MYRFL: variants seen among roughly 807,000 people sequenced by gnomAD.
MYRFL encodes the protein myelin regulatory factor-like protein.
In MYRFL, 88 loss-of-function variants were observed where a neutral mutation model predicts 109.4. That is an observed-to-expected ratio of 0.80 (90% confidence interval 0.68 to 0.96). MYRFL has a LOEUF of 0.96. MYRFL is among the 40% of genes least tolerant of loss of function. The pLI, the probability that MYRFL is intolerant of heterozygous loss-of-function variation, is 0.00. For missense variants in MYRFL, 957 were observed against 954.9 expected, an observed-to-expected ratio of 1.00 and a Z score of -0.03; for synonymous variants, 324 against 320.9, an observed-to-expected ratio of 1.01 and a Z score of -0.10.
At chr12:69,945,026 A>G (rs1006305485) in intron 19 of MYRFL, among the ~76,000 whole-genome samples, 1 of 152,178 alleles carries the variant, frequency 6.6e-6, no homozygotes. Context: ...GTGAAAAAAA[A>G]TTAAAATAAA....
chr12:69,933,843 A>G (rs913652636), intron 16 of MYRFL, among the ~76,000 whole-genome samples: 1 of 148,430 alleles, frequency 6.7e-6, no homozygotes, highest in African/African-American at 2.5e-5. Context: ...ATTGTAAGGT[A>G]AAGAGACTGC....
intron 1 of MYRFL, among the ~76,000 whole-genome samples, chr12:69,852,579 A>ATTTTTTTTTTTTTTTTT (rs61145700): frequency 1.2e-4 from 13 of 112,210 alleles, no homozygotes; most frequent in Non-Finnish European, 1.4e-4. Context: ...TTAATTTTTA[A>ATTTTTTTTTTTTTTTTT]TTTTTTTTTT....
intron 1 of MYRFL, among the ~76,000 whole-genome samples, chr12:69,846,867 C>G (rs898668618): frequency 4.0e-5 from 6 of 151,696 alleles, no homozygotes; most frequent in Admixed American, 3.9e-4. Context: ...CTGTTGTTTC[C>G]TGACTTTTTA....
At chr12:69,891,688 TCG>T (rs1886908896) in intron 7 of MYRFL, among the ~76,000 whole-genome samples, 3 of 109,240 alleles carry the variant, frequency 2.7e-5, no homozygotes, top group Non-Finnish European at 4.1e-5. Context: ...TTTCTTTCGT[TCG>T]TTCGTTCTTT....
chr12:69,915,338 C>A (rs1214480009), intron 13 of MYRFL, among the ~76,000 whole-genome samples: 1 of 152,174 alleles, frequency 6.6e-6, no homozygotes, highest in South Asian at 2.1e-4. Flanking sequence ...CTCCATTCTT[C>A]ACTCCATTTC....
At chr12:69,939,888 T>G (rs1049303972) in intron 19 of MYRFL, among the ~76,000 whole-genome samples, 29 of 151,650 alleles carry the variant, frequency 1.9e-4, no homozygotes, top group Non-Finnish European at 2.8e-4. Context: ...GAGAACTACG[T>G]GAAGAATGCA....
chr12:69,900,309 G>A (rs7956173), intron 10 of MYRFL, among the ~76,000 whole-genome samples: 48,210 of 152,004 alleles, frequency 0.32, 7,939 homozygotes, highest in African/African-American at 0.36. Flanking sequence ...ATGAATGTTT[G>A]TTTACTCAAA....
chr12:69,917,587 C>T (rs181580829), intron 13 of MYRFL, among the ~76,000 whole-genome samples: 1 of 152,046 alleles, frequency 6.6e-6, no homozygotes, highest in East Asian at 1.9e-4. Flanking sequence ...TGCCTTAGGC[C>T]TCTGCATATA....
intron 13 of MYRFL, among the ~76,000 whole-genome samples, chr12:69,915,452 A>G (rs1000185599): frequency 6.6e-6 from 1 of 152,198 alleles, no homozygotes; most frequent in Non-Finnish European, 1.5e-5. Context: ...CATGATTGCT[A>G]TGTCACTTCT....
In MYRFL at chr12:69,881,558, C is replaced by A. The variant is rs144530610; in HGVS notation, c.556+1266C>A. 5.2e-4 allele frequency among the ~76,000 whole-genome samples: 79 copies of A among 152,266 alleles called. No individual in the cohort carries two copies. The East Asian group carries it at 0.014, about 28-fold the overall frequency. ...TGGTAAGAGCTGATTCTCTGAGGGA[C>A]CTTTGGCGTCAGCTCCAGCGTGGGC... On this transcript the variant is annotated intron_variant, in intron 5 of 24. Coordinates refer to ENST00000552032, the MANE Select transcript of MYRFL (RefSeq NM_182530.3).
intron 15 of MYRFL, 53 bp downstream of exon 15, chr12:69,927,801 C>T (rs1955143813): frequency 6.9e-7 from 1 of 1,454,174 alleles, no homozygotes; most frequent in Non-Finnish European, 9.2e-7. Flanking sequence ...CTTAAAAAGT[C>T]TTTAGAGAAA....
At chr12:69,911,077 ACT>A (rs1314045189) in intron 13 of MYRFL, 147 bp downstream of exon 13, 11 of 481,660 alleles carry the variant, frequency 2.3e-5, no homozygotes, top group Non-Finnish European at 3.7e-6. Context: ...GTAGGTATCA[ACT>A]CTCTTATAAT....
At chr12:69,894,967 T>A (rs781032518) in intron 8 of MYRFL, among the ~76,000 whole-genome samples, 1 of 152,220 alleles carries the variant, frequency 6.6e-6, no homozygotes, top group Non-Finnish European at 1.5e-5. Context: ...GAGGCAAATA[T>A]GTGAAGGGGA....
At chr12:69,932,633 T>C (rs1955304787) in intron 16 of MYRFL, 35 bp downstream of exon 16, 1 of 1,441,860 alleles carries the variant, frequency 6.9e-7, no homozygotes, top group African/African-American at 1.4e-5. Flanking sequence ...CATGTCAAGC[T>C]CTTTTGTTCC....
At chr12:69,869,659 A>C (rs1449294384) in intron 2 of MYRFL, among the ~76,000 whole-genome samples, 1 of 152,188 alleles carries the variant, frequency 6.6e-6, no homozygotes, top group Admixed American at 6.5e-5. Context: ...AGAGCTTTAG[A>C]GAAGGGGCGG....
In MYRFL at chr12:69,936,494, G is replaced by A. The variant is rs928897728; in HGVS notation, c.2086G>A (p.Val696Ile). 29 of 1,535,868 alleles carry A rather than the reference G, an allele frequency of 1.9e-5. No individual in the cohort carries two copies. The highest frequency in any genetic ancestry group is 2.4e-5 in the Non-Finnish European group (28 of 1,146,918). ...SLVTTPASLQ[V>I]PEITFCEILP... ...GGTAACCACACCGGCCTCCTTACAAGTACCTGAAATTACTTTCTGTGAAAT... is the reference window on the plus strand; with the variant it reads ...GGTAACCACACCGGCCTCCTTACAAATACCTGAAATTACTTTCTGTGAAAT... The change falls in exon 19 of 25, where the codon GTA becomes ATA. Residue 696 changes from valine (V) to isoleucine (I), a missense_variant. Transcript: ENST00000552032.
Position 69,903,833 on chromosome 12 carries a change from A to G in MYRFL, c.1372A>G (p.Asn458Asp). Residue 458 changes from asparagine to aspartate, a missense_variant, in exon 11 of 25, where the codon AAT (asparagine) becomes GAT (aspartate). Physicochemically the swap from Asn to Asp is conservative, Grantham distance 23. Transcript: ENST00000552032. ...TCCCTCTGACAGCCGGGCAAAGCAG[A>G]ATATCCAGGAGGTGAGCACAGATTC... ...MHPSDSRAKQNIQEVDTNEQL... is the reference protein window; with the variant it reads ...MHPSDSRAKQDIQEVDTNEQL... 6.5e-7 allele frequency: 1 copy of G among 1,531,686 alleles called. No individual in the cohort carries two copies. Among genetic ancestry groups the G allele is most frequent in the Non-Finnish European group, 8.7e-7 (1 of 1,144,020 alleles). 94.9% of individuals were successfully genotyped at this position (1,531,686 alleles called of 1,614,324 possible). A position where few individuals can be genotyped will look rare whatever the true frequency, so the allele number is the denominator to read the frequency against.
chr12:69,902,997 A>T lies in MYRFL; in HGVS notation c.1183-647A>T, dbSNP rs543619392. Among the ~76,000 whole-genome samples, 5 of 152,318 alleles carry T rather than the reference A, an allele frequency of 3.3e-5. No homozygotes were observed. The South Asian group carries it at 1.0e-3, about 32-fold the overall frequency. On this transcript the variant is annotated intron_variant, in intron 10 of 24. Transcript: ENST00000552032. ...TTGGGCAATTTATTTATCTTTTCAG[A>T]GTGTCAGTGTCAATAAAATGAGGAC... is the stretch of plus-strand genomic sequence containing the variant.
At chr12:69,918,983 A>G (rs1175042753) in intron 13 of MYRFL, among the ~76,000 whole-genome samples, 1 of 152,040 alleles carries the variant, frequency 6.6e-6, no homozygotes, top group Non-Finnish European at 1.5e-5. Context: ...TGTATTATTT[A>G]TTTGTGGTTT....
Sources: allele counts gnomAD v4.1 joint callset (sites outside exome capture counted in the v4.1 genomes callset), GRCh38; gene constraint gnomAD v4.1.1; transcripts MANE v1.5; gene names NCBI Gene and HGNC (gene_info 2026-07-23, HGNC 2026-07-21).